TSPAN5: variants seen among roughly 807,000 people sequenced by gnomAD.
The protein encoded by TSPAN5 is tetraspanin-5.
In TSPAN5, 10 loss-of-function variants were observed where a neutral mutation model predicts 37.1. That is an observed-to-expected ratio of 0.27 (90% CI 0.17 to 0.46). TSPAN5 has a LOEUF of 0.46. Ranked by LOEUF, TSPAN5 falls within the 20% of genes least tolerant of loss-of-function variation. The pLI is 1.00. For missense variants in TSPAN5, 195 were observed against 326.6 expected (o/e 0.60, Z 3.11); for synonymous variants, 110 against 118.9 (o/e 0.93, Z 0.48).
intron 1 of TSPAN5, among the ~76,000 whole-genome samples, chr4:98,570,661 G>A (rs1349322467): frequency 6.6e-6 from 1 of 152,152 alleles, no homozygotes; most frequent in Non-Finnish European, 1.5e-5. Flanking sequence ...AGCCAGGATA[G>A]GTTAGGCAGA....
chr4:98,480,784 A>C (rs1752821546), intron 4 of TSPAN5, among the ~76,000 whole-genome samples: 1 of 152,216 alleles, frequency 6.6e-6, no homozygotes, highest in South Asian at 2.1e-4. Flanking sequence ...GCCTGCACCC[A>C]TTAGGACCTA....
At chr4:98,623,244 C>T (rs553283106) in intron 1 of TSPAN5, among the ~76,000 whole-genome samples, 1 of 152,316 alleles carries the variant, frequency 6.6e-6, no homozygotes, top group South Asian at 2.1e-4. Context: ...CCCAAGGGAA[C>T]TGCATGAAAA....
chr4:98,638,823 G>C (rs1756909100), intron 1 of TSPAN5, among the ~76,000 whole-genome samples: 1 of 152,246 alleles, frequency 6.6e-6, no homozygotes, highest in African/African-American at 2.4e-5. Context: ...ATTATTCACA[G>C]CATGATTCAG....
At chr4:98,650,643 ATG>A (rs1339619685) in intron 1 of TSPAN5, among the ~76,000 whole-genome samples, 1 of 152,246 alleles carries the variant, frequency 6.6e-6, no homozygotes, top group African/African-American at 2.4e-5. Flanking sequence ...ACAGATGTAC[ATG>A]TGTGTCTGTA....
chr4:98,657,377 G>T (rs183767519), intron 1 of TSPAN5: 3 of 114,578 alleles, frequency 2.6e-5, no homozygotes, highest in African/African-American at 1.4e-4. Flanking sequence ...TTCTACAAAG[G>T]TTCCCCCAAA....
At chr4:98,478,554 C>A in intron 5 of TSPAN5, 131 bp downstream of exon 5, 1 of 1,073,606 alleles carries the variant, frequency 9.3e-7, no homozygotes, top group South Asian at 1.4e-5. Context: ...GCACCATAAC[C>A]CCCTACAGGA....
chr4:98,560,174 C>A (rs546993906), intron 1 of TSPAN5: 1 of 152,202 alleles, frequency 6.6e-6, no homozygotes, highest in Non-Finnish European at 1.5e-5. Flanking sequence ...TGCTAACTTA[C>A]CATTTGGTGA....
At chr4:98,500,332 T>G (rs911274374) in intron 2 of TSPAN5, 1 of 152,148 alleles carries the variant, frequency 6.6e-6, no homozygotes, top group Non-Finnish European at 1.5e-5. Flanking sequence ...AGACCTAAAA[T>G]CACAGACAGT....
At chr4:98,498,338 T>C (rs1028250320) in intron 2 of TSPAN5, among the ~76,000 whole-genome samples, 15 of 152,148 alleles carry the variant, frequency 9.9e-5, no homozygotes, top group African/African-American at 3.1e-4. Flanking sequence ...TTGCTGGAAG[T>C]TGGGGTAGCA....
chr4:98,482,662 T>C (rs1245380407), intron 3 of TSPAN5: 1 of 154,190 alleles, frequency 6.5e-6, no homozygotes. Context: ...ATTTTAATTC[T>C]CTTTTGCACC....
intron 1 of TSPAN5, among the ~76,000 whole-genome samples, chr4:98,557,497 A>C (rs1754778184): frequency 6.6e-6 from 1 of 152,236 alleles, no homozygotes; most frequent in Non-Finnish European, 1.5e-5. Flanking sequence ...TTCACTCAAT[A>C]ATGAATACAA....
chr4:98,566,127 T>A (rs530897702), intron 1 of TSPAN5, among the ~76,000 whole-genome samples: 15 of 152,284 alleles, frequency 9.9e-5, no homozygotes, highest in African/African-American at 3.6e-4. Flanking sequence ...GTGAAAACGT[T>A]ATTTCCCTTA....
chr4:98,524,429 C>T (rs1413230644), intron 1 of TSPAN5, among the ~76,000 whole-genome samples: 2 of 152,098 alleles, frequency 1.3e-5, no homozygotes, highest in South Asian at 4.2e-4. Context: ...AAGTTTTGTG[C>T]AATATGATTA....
chr4:98,632,933 G>A (rs79743210), intron 1 of TSPAN5, among the ~76,000 whole-genome samples: 158 of 152,264 alleles, frequency 1.0e-3, no homozygotes, highest in African/African-American at 3.2e-3. Flanking sequence ...ATGAGGTGTC[G>A]TGATCAGACA....
intron 1 of TSPAN5, among the ~76,000 whole-genome samples, chr4:98,531,127 T>C (rs1754074540): frequency 6.6e-6 from 1 of 152,204 alleles, no homozygotes; most frequent in Admixed American, 6.5e-5. Context: ...ACTTGCAGTT[T>C]CATTACATAG....
chr4:98,610,434 G>A (rs1756155478), intron 1 of TSPAN5, among the ~76,000 whole-genome samples: 1 of 152,136 alleles, frequency 6.6e-6, no homozygotes, highest in Admixed American at 6.5e-5. Flanking sequence ...CTACCAGTAG[G>A]AAAAATCTTT....
chr4:98,566,262 G>A (rs1755001937), intron 1 of TSPAN5, among the ~76,000 whole-genome samples: 1 of 150,308 alleles, frequency 6.7e-6, no homozygotes, highest in Admixed American at 6.7e-5. Flanking sequence ...TGTGCTGATT[G>A]TGCTAAACAC....
In TSPAN5 at chr4:98,658,220, C is replaced by T. The variant is rs1757333257; in HGVS notation, c.7G>A (p.Gly3Arg). The change falls in exon 1 of 8, where the codon GGG becomes AGG. Residue 3 changes from glycine to arginine, a missense_variant. Physicochemically the swap from Gly to Arg is moderately radical, Grantham distance 125. Transcript: ENST00000305798. ...ACTTCAGGACCCTTGTAGTGCTTCC[C>T]GGACATCCTCTGGGTTCATGAAGAC... MSGKHYKGPEVSC... is the reference protein window; with the variant it reads MSRKHYKGPEVSC... 1 of 1,613,970 alleles carries T rather than the reference C, an allele frequency of 6.2e-7. No homozygotes were observed. The highest frequency in any genetic ancestry group is 2.2e-5 in the East Asian group (1 of 44,866).
chr4:98,591,003 C>T (rs1755619640), intron 1 of TSPAN5, among the ~76,000 whole-genome samples: 1 of 151,898 alleles, frequency 6.6e-6, no homozygotes, highest in Non-Finnish European at 1.5e-5. Context: ...TTCCCTAACT[C>T]TTGGTTCCCA....
Sources: allele counts gnomAD v4.1 joint callset (sites outside exome capture counted in the v4.1 genomes callset), GRCh38; gene constraint gnomAD v4.1.1; transcripts MANE v1.5; gene names NCBI Gene and HGNC (gene_info 2026-07-23, HGNC 2026-07-21).